Variants in SPTLC2 observed in about 807,000 individuals in gnomAD.
The protein encoded by SPTLC2 is serine palmitoyltransferase 2.
In SPTLC2, 21 loss-of-function variants were observed where a neutral mutation model predicts 62.0. That is an observed-to-expected ratio of 0.34 (90% CI 0.24 to 0.49). The LOEUF is 0.49. Ranked by LOEUF, SPTLC2 falls within the 20% of genes least tolerant of loss-of-function variation. The pLI, the probability that SPTLC2 is intolerant of heterozygous loss-of-function variation, is 0.99. For synonymous variants in SPTLC2, 261 were observed against 261.8 expected (o/e 1.00, Z 0.03); for missense variants, 511 against 713.0 (o/e 0.72, Z 3.23).
intron 9 of SPTLC2, among the ~76,000 whole-genome samples, chr14:77,536,380 CTTTAT>C (rs1022363841): frequency 4.0e-5 from 6 of 149,764 alleles, no homozygotes; most frequent in Non-Finnish European, 8.9e-5. Flanking sequence ...TTTTTTTTCT[CTTTAT>C]TTTATTTTTG....
intron 7 of SPTLC2, 78 bp from the exon 8 acceptor site, chr14:77,555,597 CATTATT>C: frequency 7.3e-7 from 1 of 1,373,226 alleles, no homozygotes; most frequent in Non-Finnish European, 1.0e-6. Context: ...TTTGGCACTT[CATTATT>C]ATTGAGTTTA....
intron 5 of SPTLC2, among the ~76,000 whole-genome samples, chr14:77,565,122 A>ATC (rs1224054713): frequency 2.0e-5 from 3 of 151,524 alleles, no homozygotes; most frequent in Non-Finnish European, 4.4e-5. Flanking sequence ...GGTGCCTGTA[A>ATC]TCCCAGCTAC....
chr14:77,558,426 C>T (rs557642151), intron 6 of SPTLC2, among the ~76,000 whole-genome samples: 29 of 152,186 alleles, frequency 1.9e-4, no homozygotes, highest in African/African-American at 5.5e-4. Context: ...TTGCTCTTTG[C>T]AGAAAACAAT....
At chr14:77,569,655 T>C (rs905738016) in intron 5 of SPTLC2, among the ~76,000 whole-genome samples, 1 of 150,676 alleles carries the variant, frequency 6.6e-6, no homozygotes. Flanking sequence ...TGAGAATAAA[T>C]AACCTCAAGG....
chr14:77,608,218 G>T (rs1385705683), intron 1 of SPTLC2, among the ~76,000 whole-genome samples: 1 of 152,114 alleles, frequency 6.6e-6, no homozygotes, highest in Non-Finnish European at 1.5e-5. Context: ...AGAACATTCA[G>T]TAAACCGCTA....
At chr14:77,549,042 C>T (rs1452030470) in intron 9 of SPTLC2, among the ~76,000 whole-genome samples, 1 of 152,084 alleles carries the variant, frequency 6.6e-6, no homozygotes, top group Non-Finnish European at 1.5e-5. Flanking sequence ...GATGTTTGTC[C>T]ATCTCAGGAT....
At chr14:77,522,305 G>A (rs2299910) in intron 9 of SPTLC2, among the ~76,000 whole-genome samples, 36,880 of 151,898 alleles carry the variant, frequency 0.24, 4,641 homozygotes, top group Middle Eastern at 0.37. Flanking sequence ...TGGGGTTACG[G>A]GTGCACATCA....
At chr14:77,615,720 A>G (rs933413589) in intron 1 of SPTLC2, among the ~76,000 whole-genome samples, 17 of 152,218 alleles carry the variant, frequency 1.1e-4, no homozygotes, top group African/African-American at 3.9e-4. Flanking sequence ...AGCATGGTTA[A>G]TTAGTATAGA....
intron 11 of SPTLC2, among the ~76,000 whole-genome samples, chr14:77,515,265 A>G (rs1405516031): frequency 6.6e-6 from 1 of 152,120 alleles, no homozygotes; most frequent in Non-Finnish European, 1.5e-5. Flanking sequence ...TGCCAGTTCC[A>G]TATACATTTG....
At position 77,512,327 on chromosome 14, in the gene SPTLC2, T is replaced by C; in HGVS notation, c.1646A>G (p.Asp549Gly). ...YSRHRLVPLLDRPFDETTYEE... is the reference protein window; with the variant it reads ...YSRHRLVPLLGRPFDETTYEE... Reference sequence around the variant, plus strand: ...ATACGTCGTCTCGTCAAAGGGCCTGTCCAGTAGAGGTACCAACCGATGACG... The same window carrying C: ...ATACGTCGTCTCGTCAAAGGGCCTGCCCAGTAGAGGTACCAACCGATGACG... The change falls in exon 12 of 12, where the codon GAC (aspartate) becomes GGC (glycine). Residue 549 changes from aspartate to glycine, a missense_variant. By Grantham distance (94) the Asp-to-Gly change is moderately conservative. Transcript: ENST00000216484. 6.2e-7 allele frequency: 1 copy of C among 1,614,178 alleles called. No individual in the cohort carries two copies. Among genetic ancestry groups the C allele is most frequent in the South Asian group, 1.1e-5 (1 of 91,082 alleles).
rs558440160 is a variant in SPTLC2, at chr14:77,563,637, G to A, written c.757-1148C>T. 2.4e-4 allele frequency among the ~76,000 whole-genome samples: 37 copies of A among 152,106 alleles called. No individual in the cohort carries two copies. The East Asian group carries it at 7.0e-3, about 29-fold the overall frequency. ...GATGGGGTTTCACCATGTTGGCCAGGCTGGTCTTGAACCCCTGACCTCAGG... is the reference window on the plus strand; with the variant it reads ...GATGGGGTTTCACCATGTTGGCCAGACTGGTCTTGAACCCCTGACCTCAGG... On this transcript the variant is annotated intron_variant, in intron 5 of 11. Coordinates refer to ENST00000216484, the MANE Select transcript of SPTLC2 (RefSeq NM_004863.4).
In SPTLC2 at chr14:77,551,390, C is replaced by CAAA. The variant is rs11347331; in HGVS notation, c.1303+703_1303+705dup. 5.8e-3 allele frequency among the ~76,000 whole-genome samples: 354 copies of CAAA among 61,174 alleles called. 9 individuals are homozygous for CAAA. The highest frequency in any genetic ancestry group is 0.018 in the African/African-American group (263 of 14,452). 40.1% of individuals were successfully genotyped at this position (61,174 alleles called of 152,430 possible). ...TGGGTGACAGAGTGAGACTCCGTCT[C>CAAA]AAAAAAAAAAAAAAAAAAAAAAAGC... is the stretch of plus-strand genomic sequence containing the variant. On this transcript the variant is annotated intron_variant, in intron 9 of 11. Transcript: ENST00000216484.
chr14:77,597,752 T>A (rs2079855400), intron 1 of SPTLC2, among the ~76,000 whole-genome samples: 1 of 141,142 alleles, frequency 7.1e-6, no homozygotes, highest in South Asian at 2.2e-4. Context: ...CCTGCCTGGG[T>A]GACAGAGCAA....
intron 1 of SPTLC2, among the ~76,000 whole-genome samples, chr14:77,603,755 C>T (rs558082874): frequency 2.0e-5 from 3 of 152,282 alleles, no homozygotes; most frequent in Admixed American, 2.0e-4. Flanking sequence ...TGGAGTGGAA[C>T]ATTTCCATTT....
Position 77,531,504 on chromosome 14 carries a change from C to CT in SPTLC2, c.1304-9924dup, listed in dbSNP as rs1566770861. On this transcript the variant is annotated intron_variant, in intron 9 of 11. Coordinates refer to ENST00000216484, the MANE Select transcript of SPTLC2 (RefSeq NM_004863.4). ...CCCCCTCCTCCTCCTCCTCCTCCTC[C>CT]TCCTCTTCTTCTTCTTCTTCTTTTT... Among the ~76,000 whole-genome samples, 575 of 76,318 alleles carry CT rather than the reference C, an allele frequency of 7.5e-3. 7 individuals are homozygous for CT. The highest frequency in any genetic ancestry group is 0.03 in the African/African-American group (515 of 17,146). 50.1% of individuals were successfully genotyped at this position (76,318 alleles called of 152,430 possible).
chr14:77,609,962 A>G (rs1430987306), intron 1 of SPTLC2, among the ~76,000 whole-genome samples: 1 of 152,206 alleles, frequency 6.6e-6, no homozygotes, highest in Non-Finnish European at 1.5e-5. Flanking sequence ...TCTTGGGAGT[A>G]GAATTACTGG....
chr14:77,571,856 T>A (rs908088726), intron 4 of SPTLC2, among the ~76,000 whole-genome samples: 1 of 152,114 alleles, frequency 6.6e-6, no homozygotes, highest in Non-Finnish European at 1.5e-5. Flanking sequence ...AGTGGCGCAA[T>A]CTCAGCTCAC....
At chr14:77,610,418 A>G (rs2079928885) in intron 1 of SPTLC2, among the ~76,000 whole-genome samples, 1 of 152,164 alleles carries the variant, frequency 6.6e-6, no homozygotes, top group Non-Finnish European at 1.5e-5. Context: ...CTGGGATTAC[A>G]GGCGTGAGCC....
intron 8 of SPTLC2, among the ~76,000 whole-genome samples, chr14:77,553,729 C>CA (rs34500527): frequency 0.45 from 43,758 of 96,330 alleles, 10,396 homozygotes; most frequent in East Asian, 0.82. Flanking sequence ...GGCTTGGTCT[C>CA]AAAAAAAAAA....
Sources: allele counts gnomAD v4.1 joint callset (sites outside exome capture counted in the v4.1 genomes callset), GRCh38; gene constraint gnomAD v4.1.1; transcripts MANE v1.5; gene names NCBI Gene and HGNC (gene_info 2026-07-23, HGNC 2026-07-21).